The following PITPNC1 variants were observed in gnomAD, a reference collection of about 807,000 sequenced individuals.
PITPNC1 encodes the protein phosphatidylinositol transfer protein cytoplasmic 1.
A neutral mutation model predicts 44.7 loss-of-function variants in PITPNC1; 18 were observed. That is an observed-to-expected ratio of 0.40 (90% CI 0.28 to 0.60). PITPNC1 has a LOEUF of 0.60. PITPNC1 is among the 20% of genes least tolerant of loss of function. The pLI is 0.39. For synonymous variants in PITPNC1, 141 were observed against 149.6 expected (o/e 0.94, Z 0.42); for missense variants, 290 against 418.4 (o/e 0.69, Z 2.68).
intron 1 of PITPNC1, among the ~76,000 whole-genome samples, chr17:67,464,028 T>C (rs1458937118): frequency 6.6e-6 from 1 of 151,900 alleles, no homozygotes; most frequent in Non-Finnish European, 1.5e-5. Flanking sequence ...ACCTCATCTG[T>C]ACTAAAAATA....
intron 8 of PITPNC1, among the ~76,000 whole-genome samples, chr17:67,684,437 GTT>G (rs113320295): frequency 2.0e-5 from 3 of 146,938 alleles, no homozygotes; most frequent in East Asian, 2.0e-4. Context: ...CTTAAATAAT[GTT>G]TTTTTTTTTC....
At chr17:67,441,277 G>GC (rs34717379) in intron 1 of PITPNC1, among the ~76,000 whole-genome samples, 30,721 of 146,556 alleles carry the variant, frequency 0.21, 3,386 homozygotes, top group Middle Eastern at 0.28. Context: ...TATTTATTAA[G>GC]CCCCCCCCCG....
rs1187724056 is a variant in PITPNC1 at position 67,508,881 on chromosome 17, A to C, written c.49-23921A>C. Reference sequence around the variant, plus strand: ...TGGTTGTACTTAATGCACCAAACTGAATACTTAAAAATGGTTAAAATGGTA... The same window carrying C: ...TGGTTGTACTTAATGCACCAAACTGCATACTTAAAAATGGTTAAAATGGTA... On this transcript the variant is annotated intron_variant, in intron 1 of 8. Coordinates refer to ENST00000581322, the MANE Select transcript of PITPNC1 (RefSeq NM_012417.4). The surrounding 1 kb of genome is among the most constrained non-coding windows in gnomAD (Gnocchi z 4.2). Among the ~76,000 whole-genome samples, 2 of 152,214 alleles carry C rather than the reference A, an allele frequency of 1.3e-5. No homozygotes were observed. The highest frequency in any genetic ancestry group is 2.9e-5 in the Non-Finnish European group (2 of 68,040).
chr17:67,535,187 A>G (rs1172252491), intron 2 of PITPNC1, among the ~76,000 whole-genome samples: 2 of 152,252 alleles, frequency 1.3e-5, no homozygotes, highest in Admixed American at 6.5e-5. Context: ...GAACCAGTTC[A>G]GTGTCCAGCC....
Position 67,486,258 on chromosome 17 carries a change from CTA to C in PITPNC1, c.49-46533_49-46532del, listed in dbSNP as rs200579181. ...TAGAGTATATTATCTTAGTCTTGGG[CTA>C]TATATATATAATGAACACTCAATAT... On this transcript the variant is annotated intron_variant, in intron 1 of 8. Coordinates refer to ENST00000581322, the MANE Select transcript of PITPNC1 (RefSeq NM_012417.4). Among the ~76,000 whole-genome samples, 111 of 151,698 alleles carry C rather than the reference CTA, an allele frequency of 7.3e-4. 1 individual carries two copies. The East Asian group carries it at 9.3e-3, about 13-fold the overall frequency.
At chr17:67,686,336 G>C (rs2042815367) in intron 8 of PITPNC1, among the ~76,000 whole-genome samples, 1 of 150,474 alleles carries the variant, frequency 6.6e-6, no homozygotes, top group African/African-American at 2.5e-5. Context: ...GTCCCCCGTT[G>C]AGAACCACTA....
At chr17:67,682,880 G>C (rs917239626) in intron 8 of PITPNC1, among the ~76,000 whole-genome samples, 1 of 152,082 alleles carries the variant, frequency 6.6e-6, no homozygotes. Flanking sequence ...TAAGAGTTTG[G>C]GCCGGGTGTG....
At chr17:67,426,309 G>A (rs1299056766) in intron 1 of PITPNC1, among the ~76,000 whole-genome samples, 1 of 152,144 alleles carries the variant, frequency 6.6e-6, no homozygotes, top group African/African-American at 2.4e-5. Context: ...ACATGCACAT[G>A]TATGTTTATT....
At chr17:67,692,092 T>G (rs560035331) in intron 8 of PITPNC1, among the ~76,000 whole-genome samples, 3 of 152,276 alleles carry the variant, frequency 2.0e-5, no homozygotes, top group Admixed American at 2.0e-4. Flanking sequence ...ACTTTCATGA[T>G]CTAAAGTTGA....
At chr17:67,387,768 G>A (rs943081110) in intron 1 of PITPNC1, among the ~76,000 whole-genome samples, 1 of 152,016 alleles carries the variant, frequency 6.6e-6, no homozygotes, top group Non-Finnish European at 1.5e-5. Flanking sequence ...AGCATTTATC[G>A]CAATTTGTAC....
chr17:67,606,171 G>A (rs994339064), intron 5 of PITPNC1, among the ~76,000 whole-genome samples: 7 of 152,110 alleles, frequency 4.6e-5, no homozygotes, highest in African/African-American at 1.4e-4. Context: ...GAATTATTTC[G>A]TAGTTTGGTT....
intron 6 of PITPNC1, among the ~76,000 whole-genome samples, chr17:67,645,409 T>A: frequency 6.6e-6 from 1 of 151,308 alleles, no homozygotes; most frequent in East Asian, 1.9e-4. Context: ...GAGCTCCTGG[T>A]TAAGATGACC....
intron 1 of PITPNC1, among the ~76,000 whole-genome samples, chr17:67,518,933 C>A (rs1411930009): frequency 6.6e-6 from 1 of 152,146 alleles, no homozygotes; most frequent in African/African-American, 2.4e-5. Context: ...CAGAGCAAGA[C>A]CCTTTCCCTA....
At chr17:67,679,816 G>T (rs982273871) in intron 8 of PITPNC1, among the ~76,000 whole-genome samples, 1 of 152,216 alleles carries the variant, frequency 6.6e-6, no homozygotes, top group East Asian at 1.9e-4. Flanking sequence ...ACGTATTTCA[G>T]GAGATGGGGT....
rs1313719754 is a variant in PITPNC1, at chr17:67,502,744, C to CATTGCATTGTATTGTATTGTATTGT, written c.49-30054_49-30053insCATTGTATTGTATTGTATTGTATTG. Among the ~76,000 whole-genome samples, 286 of 137,904 alleles carry CATTGCATTGTATTGTATTGTATTGT rather than the reference C, an allele frequency of 2.1e-3. 2 individuals carry two copies. Among genetic ancestry groups the CATTGCATTGTATTGTATTGTATTGT allele is most frequent in the African/African-American group, 7.8e-3 (270 of 34,650 alleles). The allele number at this position is 137,904 out of a possible 152,430, so 90.5% of individuals were successfully genotyped here. A position where few individuals can be genotyped will look rare whatever the true frequency, so the allele number is the denominator to read the frequency against. On this transcript the variant is annotated intron_variant, in intron 1 of 8. Coordinates refer to ENST00000581322, the MANE Select transcript of PITPNC1 (RefSeq NM_012417.4). ...GAAGTAAGATTATTGCATTGCATTG[C>CATTGCATTGTATTGTATTGTATTGT]ATTGTATTGTATTGTATTGTATTGT...
At chr17:67,446,935 CA>C (rs1303153988) in intron 1 of PITPNC1, among the ~76,000 whole-genome samples, 1 of 151,368 alleles carries the variant, frequency 6.6e-6, no homozygotes, top group African/African-American at 2.4e-5. Flanking sequence ...ACTAAAAATA[CA>C]AAAATTAGCC....
chr17:67,520,687 C>G (rs1051472650), intron 1 of PITPNC1, among the ~76,000 whole-genome samples: 1 of 152,214 alleles, frequency 6.6e-6, no homozygotes, highest in Non-Finnish European at 1.5e-5. Context: ...GAACCGAGAC[C>G]GTCCCCACAG....
intron 5 of PITPNC1, among the ~76,000 whole-genome samples, chr17:67,630,977 G>T (rs575146547): frequency 6.6e-6 from 1 of 151,534 alleles, no homozygotes; most frequent in Admixed American, 6.6e-5. Flanking sequence ...CTCCCAAAGC[G>T]CTGCGATTAC....
chr17:67,620,261 C>A (rs2041812968), intron 5 of PITPNC1, among the ~76,000 whole-genome samples: 1 of 152,100 alleles, frequency 6.6e-6, no homozygotes, highest in East Asian at 1.9e-4. Context: ...ACTATGTTGC[C>A]CCGGCTGGTC....
Sources: gnomAD v4.1 joint callset for allele counts (sites outside exome capture counted in the v4.1 genomes callset) on GRCh38, gnomAD v4.1.1 for gene constraint, Gnocchi (gnomAD v3.1) non-coding constraint, MANE v1.5 for transcripts, NCBI Gene and HGNC (gene_info 2026-07-23, HGNC 2026-07-21) for gene names.